FAAH2: variants seen among roughly 807,000 people sequenced by gnomAD.
FAAH2 encodes the protein fatty-acid amide hydrolase 2.
A neutral mutation model predicts 36.9 loss-of-function variants in FAAH2; 60 were observed. That is an observed-to-expected ratio of 1.63 (90% CI 1.32 to 2.02). The LOEUF is 2.02. FAAH2 is among the 30% of genes most tolerant of loss of function. The pLI, the probability that FAAH2 is intolerant of heterozygous loss-of-function variation, is 0.00. For synonymous variants in FAAH2, 214 were observed against 143.8 expected (o/e 1.49, Z -3.49); for missense variants, 689 against 397.5 (o/e 1.73, Z -6.23).
At chrX:57,198,116 G>T in the FAAH2 span, among the ~76,000 whole-genome samples, 1 of 111,180 alleles carries the variant, frequency 9.0e-6, no homozygotes, top group East Asian at 2.8e-4. Flanking sequence ...GCAGTTAGGG[G>T]TGGGGCCATA....
At chrX:57,362,504 T>C (rs1004494637) in intron 5 of FAAH2, among the ~76,000 whole-genome samples, 1 of 111,671 alleles carries the variant, frequency 9.0e-6, no homozygotes. Context: ...TATTAGGCCT[T>C]TGTCAGATAC....
intron 4 of FAAH2, among the ~76,000 whole-genome samples, chrX:57,334,585 C>T (rs1051944933): frequency 9.1e-6 from 1 of 110,080 alleles, no homozygotes; most frequent in East Asian, 2.9e-4. Flanking sequence ...TTATTGATTG[C>T]TGTAACATGT....
chrX:57,152,762 G>C, the FAAH2 span, among the ~76,000 whole-genome samples: 2 of 111,435 alleles, frequency 1.8e-5, no homozygotes, highest in South Asian at 7.6e-4. Context: ...TGCCCGGTGT[G>C]CTGCACCCAC....
At chrX:57,235,333 G>A in the FAAH2 span, among the ~76,000 whole-genome samples, 2 of 111,699 alleles carry the variant, frequency 1.8e-5, no homozygotes, top group East Asian at 5.6e-4. Flanking sequence ...ACCTTTAGGT[G>A]TTGGGGATGG....
At chrX:57,125,768 C>T in the FAAH2 span, among the ~76,000 whole-genome samples, 2 of 111,645 alleles carry the variant, frequency 1.8e-5, no homozygotes, top group African/African-American at 6.5e-5. Flanking sequence ...AATCTCAAAC[C>T]CTATTTTTTA....
the FAAH2 span, among the ~76,000 whole-genome samples, chrX:57,242,042 C>T: frequency 8.9e-6 from 1 of 112,622 alleles, no homozygotes; most frequent in African/African-American, 3.2e-5. Flanking sequence ...TCCTGCCAGA[C>T]GGCTCTGCAG....
At chrX:57,137,883 A>G in the FAAH2 span, among the ~76,000 whole-genome samples, 1 of 111,780 alleles carries the variant, frequency 8.9e-6, no homozygotes, top group Non-Finnish European at 1.9e-5. Context: ...ATATATATAT[A>G]TCTCCAAGCA....
At chrX:57,394,227 T>A in intron 7 of FAAH2, 1 of 702,759 alleles carries the variant, frequency 1.4e-6, no homozygotes, top group Non-Finnish European at 2.3e-6. Flanking sequence ...CGCACACACA[T>A]AAAAAAGTTC....
chrX:57,337,674 T>A (rs1304434325), intron 4 of FAAH2, among the ~76,000 whole-genome samples: 2 of 112,290 alleles, frequency 1.8e-5, no homozygotes, highest in Admixed American at 9.4e-5. Flanking sequence ...TTTCAATAGA[T>A]GCAGAAAAGG....
rs1416066459 is a variant in FAAH2, at chrX:57,384,473, T to G, written c.996+3444T>G. Reference sequence around the variant, plus strand: ...AATCTACAATGAACTCAAACAAATTTACAAGAAAAAAACAAACAACCCCAT... The same window carrying G: ...AATCTACAATGAACTCAAACAAATTGACAAGAAAAAAACAAACAACCCCAT... On this transcript the variant is annotated intron_variant, in intron 7 of 10. Coordinates refer to ENST00000374900, the MANE Select transcript of FAAH2 (RefSeq NM_174912.4). 4.6e-5 allele frequency among the ~76,000 whole-genome samples: 5 copies of G among 108,125 alleles called. No homozygotes were observed. In the South Asian group the frequency reaches 1.3e-3, roughly 27 times the overall value. 93.9% of individuals were successfully genotyped at this position (108,125 alleles called of 115,157 possible).
At chrX:57,403,735 T>C (rs1427892866) in intron 7 of FAAH2, among the ~76,000 whole-genome samples, 1 of 112,147 alleles carries the variant, frequency 8.9e-6, no homozygotes, top group Non-Finnish European at 1.9e-5. Context: ...TGAATACCCA[T>C]TGTGTTTTTT....
intron 7 of FAAH2, chrX:57,381,485 G>C (rs1037422766): frequency 4.9e-6 from 3 of 606,857 alleles, no homozygotes; most frequent in Non-Finnish European, 5.9e-6. Context: ...AATAATAAGG[G>C]GAACAGACCT....
At chrX:57,273,117 T>C in the FAAH2 span, among the ~76,000 whole-genome samples, 2 of 111,777 alleles carry the variant, frequency 1.8e-5, no homozygotes, top group Non-Finnish European at 3.8e-5. Flanking sequence ...GCAGTCCTAA[T>C]CTCTGATAAA....
chrX:57,467,325 AG>A (rs2147235693), intron 10 of FAAH2, among the ~76,000 whole-genome samples: 1 of 111,241 alleles, frequency 9.0e-6, no homozygotes, highest in African/African-American at 3.3e-5. Flanking sequence ...AGGAAGTGCA[AG>A]GGGTCAGGGA....
Position 57,419,329 on chromosome X carries a change from C to T in FAAH2, c.997-12589C>T, listed in dbSNP as rs1338985511. Reference sequence around the variant, plus strand: ...CAATGGTTGAACTAGTTTACAGTCCCACCAACAGTGTAAAAGTGTTCCTAT... The same window carrying T: ...CAATGGTTGAACTAGTTTACAGTCCTACCAACAGTGTAAAAGTGTTCCTAT... On this transcript the variant is annotated intron_variant, in intron 7 of 10. Transcript: ENST00000374900. Among the ~76,000 whole-genome samples, 4 of 110,707 alleles carry T rather than the reference C, an allele frequency of 3.6e-5. No individual in the cohort carries two copies. In the South Asian group the frequency reaches 1.2e-3, roughly 32 times the overall value.
the FAAH2 span, among the ~76,000 whole-genome samples, chrX:57,189,749 T>C: frequency 8.2e-4 from 92 of 111,766 alleles, no homozygotes; most frequent in Non-Finnish European, 1.5e-3. Context: ...TGCCTGCTCC[T>C]TCCTCTGGAA....
At chrX:57,236,777 T>G in the FAAH2 span, among the ~76,000 whole-genome samples, 1 of 111,775 alleles carries the variant, frequency 8.9e-6, no homozygotes, top group Non-Finnish European at 1.9e-5. Flanking sequence ...ATGGATGGTT[T>G]GCAAATATTT....
At chrX:57,173,180 T>G in the FAAH2 span, among the ~76,000 whole-genome samples, 1 of 112,264 alleles carries the variant, frequency 8.9e-6, no homozygotes, top group East Asian at 2.8e-4. Context: ...TATGGTCATT[T>G]TCACAATATT....
intron 10 of FAAH2, among the ~76,000 whole-genome samples, chrX:57,451,363 C>T (rs1250146091): frequency 8.9e-6 from 1 of 111,990 alleles, no homozygotes; most frequent in Non-Finnish European, 1.9e-5. Flanking sequence ...TGACACTCTA[C>T]AATGAGAATA....
Sources: gnomAD v4.1 joint callset for allele counts (sites outside exome capture counted in the v4.1 genomes callset) on GRCh38, gnomAD v4.1.1 for gene constraint, MANE v1.5 for transcripts, NCBI Gene and HGNC (gene_info 2026-07-23, HGNC 2026-07-21) for gene names.